GALNTL6: variants seen among roughly 807,000 people sequenced by gnomAD.
GALNTL6 encodes polypeptide N-acetylgalactosaminyltransferase-like 6.
Under a neutral mutation model 73.7 loss-of-function variants are expected in GALNTL6, and 46 were observed. The ratio of observed to expected loss-of-function variants is 0.62; its 90% CI spans 0.49 to 0.80. GALNTL6 has a LOEUF of 0.80. Ranked by LOEUF, GALNTL6 falls within the 30% of genes least tolerant of loss-of-function variation. GALNTL6 has a pLI of 0.00. For missense variants in GALNTL6, 604 were observed against 755.0 expected, an observed-to-expected ratio of 0.80 and a Z score of 2.34; for synonymous variants, 259 against 263.7, an observed-to-expected ratio of 0.98 and a Z score of 0.17.
At chr4:172,202,329 A>C (rs577218613) in intron 2 of GALNTL6, among the ~76,000 whole-genome samples, 2 of 152,332 alleles carry the variant, frequency 1.3e-5, no homozygotes, top group Non-Finnish European at 2.9e-5. Flanking sequence ...TGTGATGAGC[A>C]GTAATGTCTT....
At chr4:171,897,673 C>T (rs1017874718) in intron 2 of GALNTL6, among the ~76,000 whole-genome samples, 2 of 151,494 alleles carry the variant, frequency 1.3e-5, no homozygotes, top group Non-Finnish European at 1.5e-5. Flanking sequence ...TTTTTCGAGA[C>T]GGAGTCTCAC....
chr4:172,301,155 G>T (rs374286133), intron 3 of GALNTL6, among the ~76,000 whole-genome samples: 7 of 151,878 alleles, frequency 4.6e-5, no homozygotes, highest in African/African-American at 1.7e-4. Context: ...CCAGTTGATC[G>T]AATTGGCTAC....
At chr4:172,609,064 G>T (rs1738417774) in intron 5 of GALNTL6, among the ~76,000 whole-genome samples, 1 of 152,136 alleles carries the variant, frequency 6.6e-6, no homozygotes, top group Admixed American at 6.6e-5. Context: ...TCCTAGGTAT[G>T]AAATTAAATC....
At chr4:172,048,194 G>C (rs1742271740) in intron 2 of GALNTL6, among the ~76,000 whole-genome samples, 1 of 152,078 alleles carries the variant, frequency 6.6e-6, no homozygotes, top group South Asian at 2.1e-4. Flanking sequence ...TAACTTGGGT[G>C]AACTGACTAC....
chr4:172,642,387 G>A (rs537555181), intron 5 of GALNTL6, among the ~76,000 whole-genome samples: 19 of 152,012 alleles, frequency 1.2e-4, no homozygotes, highest in Admixed American at 3.9e-4. Flanking sequence ...ACACAATTGA[G>A]TATGATTCAG....
At chr4:172,198,464 C>T (rs1352758867) in intron 2 of GALNTL6, among the ~76,000 whole-genome samples, 1 of 151,020 alleles carries the variant, frequency 6.6e-6, no homozygotes, top group African/African-American at 2.4e-5. Context: ...TGAACAGAAA[C>T]TTCTCAAAAG....
At chr4:172,325,067 G>A (rs1156345317) in intron 4 of GALNTL6, among the ~76,000 whole-genome samples, 3 of 150,914 alleles carry the variant, frequency 2.0e-5, no homozygotes, top group African/African-American at 7.3e-5. Flanking sequence ...GTAATACTTT[G>A]AACAGATTAA....
At chr4:172,846,535 A>G (rs1278420328) in intron 7 of GALNTL6, among the ~76,000 whole-genome samples, 1 of 151,834 alleles carries the variant, frequency 6.6e-6, no homozygotes, top group African/African-American at 2.4e-5. Context: ...ATTATTCAAC[A>G]ATAATAGCAA....
intron 5 of GALNTL6, among the ~76,000 whole-genome samples, chr4:172,567,507 C>T (rs1435454198): frequency 6.6e-6 from 1 of 152,092 alleles, no homozygotes; most frequent in East Asian, 1.9e-4. Flanking sequence ...ATATCTTTTT[C>T]TAATATGTAT....
intron 2 of GALNTL6, among the ~76,000 whole-genome samples, chr4:171,853,425 G>A (rs1735583983): frequency 6.7e-6 from 1 of 148,574 alleles, no homozygotes; most frequent in Admixed American, 6.7e-5. Context: ...CTCCTTTACT[G>A]CCCTTTCCTT....
chr4:172,732,428 A>T (rs954554999), intron 5 of GALNTL6, among the ~76,000 whole-genome samples: 32 of 152,278 alleles, frequency 2.1e-4, no homozygotes, highest in African/African-American at 6.7e-4. Flanking sequence ...CTTTACAGGT[A>T]AAGTGGGGTT....
intron 2 of GALNTL6, among the ~76,000 whole-genome samples, chr4:171,983,634 A>G (rs1739982259): frequency 6.6e-6 from 1 of 151,990 alleles, no homozygotes; most frequent in Non-Finnish European, 1.5e-5. Context: ...TGGGATTACA[A>G]GTGTGAGCTT....
Position 172,813,644 on chromosome 4 carries a change from G to A in GALNTL6, c.844G>A (p.Ala282Thr), listed in dbSNP as rs375298105. Residue 282 changes from alanine to threonine, a missense_variant, in exon 7 of 13, where the codon GCC (alanine) becomes ACC (threonine). By Grantham distance (58) the Ala-to-Thr change is moderately conservative. Around this residue, in one of 5 missense-constraint regions of GALNTL6, gnomAD observed 179 missense variants for 230.8 expected, o/e 0.78. Transcript: ENST00000506823. ...EAQAGDAMRGAFDWEMYYKRI... is the reference protein window; with the variant it reads ...EAQAGDAMRGTFDWEMYYKRI... ...ACAAGCTGGGGATGCCATGCGAGGA[G>A]CCTTCGACTGGGAAATGTACTACAA... The A allele has an allele frequency of 5.0e-5, 81 of 1,613,438 alleles. No homozygotes were observed. Among genetic ancestry groups the A allele is most frequent in the Non-Finnish European group, 6.7e-5 (79 of 1,179,664 alleles).
At chr4:172,781,892 A>G (rs952435726) in intron 5 of GALNTL6, among the ~76,000 whole-genome samples, 1 of 151,230 alleles carries the variant, frequency 6.6e-6, no homozygotes, top group Non-Finnish European at 1.5e-5. Flanking sequence ...AATACATATT[A>G]TATTTTCAAA....
At position 172,878,553 on chromosome 4, in the gene GALNTL6, GCAACATAAATTGCAAT is replaced by G. The variant is rs1317416651; in HGVS notation, c.924-4236_924-4221del. On this transcript the variant is annotated intron_variant, in intron 7 of 12. Transcript: ENST00000506823. ...AGTATATGTGAAGTGACATAATATCGCAACATAAATTGCAATAAAAGAAAGGTATATGCCATAAACC... is the reference window on the plus strand; with the variant it reads ...AGTATATGTGAAGTGACATAATATCGAAAAGAAAGGTATATGCCATAAACC... 2.0e-5 allele frequency among the ~76,000 whole-genome samples: 3 copies of G among 151,518 alleles called. No homozygotes were observed. In the East Asian group the frequency reaches 5.8e-4, roughly 29 times the overall value.
chr4:172,500,898 A>G (rs1734241163), intron 5 of GALNTL6, among the ~76,000 whole-genome samples: 1 of 152,198 alleles, frequency 6.6e-6, no homozygotes, highest in Admixed American at 6.5e-5. Flanking sequence ...TATAGTGTTA[A>G]CATGGGGAGG....
chr4:172,798,768 C>T (rs1740432024), intron 5 of GALNTL6, among the ~76,000 whole-genome samples: 1 of 152,066 alleles, frequency 6.6e-6, no homozygotes, highest in African/African-American at 2.4e-5. Context: ...TGGCAAAAAA[C>T]AATAAGAAGG....
intron 5 of GALNTL6, among the ~76,000 whole-genome samples, chr4:172,789,729 G>C (rs1383545770): frequency 1.3e-5 from 2 of 152,156 alleles, no homozygotes; most frequent in African/African-American, 2.4e-5. Flanking sequence ...CTTCCCCCAG[G>C]ATATAGGGCA....
At chr4:172,189,519 C>G (rs977151693) in intron 2 of GALNTL6, among the ~76,000 whole-genome samples, 3 of 152,052 alleles carry the variant, frequency 2.0e-5, no homozygotes, top group Admixed American at 1.3e-4. Context: ...TGATTACAAA[C>G]AGTGATGGGG....
Sources: allele counts gnomAD v4.1 joint callset (sites outside exome capture counted in the v4.1 genomes callset), GRCh38; gene constraint gnomAD v4.1.1; regional missense constraint gnomAD v4.1.1; transcripts MANE v1.5; gene names NCBI Gene and HGNC (gene_info 2026-07-23, HGNC 2026-07-21).